SPOCK1: variants seen among roughly 807,000 people sequenced by gnomAD.
SPOCK1 encodes the protein testican-1.
In SPOCK1, 23 loss-of-function variants were observed where a neutral mutation model predicts 55.3. The ratio of observed to expected loss-of-function variants is 0.42; its 90% CI spans 0.30 to 0.59. The LOEUF is 0.59. SPOCK1 is among the 20% of genes least tolerant of loss of function. SPOCK1 has a pLI of 0.22. For synonymous variants in SPOCK1, 226 were observed against 221.0 expected (o/e 1.02, Z -0.20); for missense variants, 499 against 552.5 (o/e 0.90, Z 0.97).
chr5:137,023,880 C>A (rs1029969791), intron 6 of SPOCK1, among the ~76,000 whole-genome samples: 1 of 150,150 alleles, frequency 6.7e-6, no homozygotes, highest in African/African-American at 2.4e-5. Flanking sequence ...TAGCACAATG[C>A]AAATAAAGGT....
intron 3 of SPOCK1, among the ~76,000 whole-genome samples, chr5:137,166,529 T>C (rs1754651496): frequency 6.6e-6 from 1 of 152,048 alleles, no homozygotes; most frequent in South Asian, 2.1e-4. Context: ...CAGAATATTA[T>C]AGTGCTGAAA....
intron 3 of SPOCK1, among the ~76,000 whole-genome samples, chr5:137,179,688 G>A (rs1285745756): frequency 6.6e-6 from 1 of 152,108 alleles, no homozygotes; most frequent in Non-Finnish European, 1.5e-5. Context: ...CTGAGGTTGG[G>A]TAGCCAAGAG....
chr5:137,181,848 C>T (rs1754977581), intron 3 of SPOCK1, among the ~76,000 whole-genome samples: 1 of 152,180 alleles, frequency 6.6e-6, no homozygotes, highest in Non-Finnish European at 1.5e-5. Flanking sequence ...TTAGGATTTG[C>T]TTGATGATTC....
At chr5:137,487,926 C>T (rs965769044) in intron 2 of SPOCK1, among the ~76,000 whole-genome samples, 2 of 152,210 alleles carry the variant, frequency 1.3e-5, no homozygotes, top group Non-Finnish European at 2.9e-5. Context: ...GAAAATACTG[C>T]ACTCATATTA....
intron 2 of SPOCK1, among the ~76,000 whole-genome samples, chr5:137,339,721 G>A (rs922622135): frequency 6.6e-6 from 1 of 152,142 alleles, no homozygotes; most frequent in Non-Finnish European, 1.5e-5. Flanking sequence ...GCTGATGAGA[G>A]GTTTTGGGGG....
At chr5:137,408,403 T>A (rs891234177) in intron 2 of SPOCK1, among the ~76,000 whole-genome samples, 3 of 152,340 alleles carry the variant, frequency 2.0e-5, no homozygotes, top group African/African-American at 7.2e-5. Context: ...CCCAGCAGAC[T>A]GAGGCTGAAG....
intron 3 of SPOCK1, among the ~76,000 whole-genome samples, chr5:137,152,323 A>G (rs1462676352): frequency 6.6e-6 from 1 of 152,180 alleles, no homozygotes; most frequent in Non-Finnish European, 1.5e-5. Context: ...TTTCCCACCT[A>G]TCTCTCCACC....
At chr5:137,068,358 C>T (rs1333309978) in intron 5 of SPOCK1, among the ~76,000 whole-genome samples, 2 of 152,148 alleles carry the variant, frequency 1.3e-5, no homozygotes, top group African/African-American at 2.4e-5. Flanking sequence ...CTCTTGCTTC[C>T]GTTGTCCAAA....
intron 2 of SPOCK1, among the ~76,000 whole-genome samples, chr5:137,359,600 G>C (rs72796527): frequency 0.07 from 10,712 of 152,274 alleles, 514 homozygotes; most frequent in Admixed American, 0.15. Context: ...CAAAGGTAAA[G>C]AAATGCAAAT....
intron 3 of SPOCK1, among the ~76,000 whole-genome samples, chr5:137,168,251 A>C (rs1034911057): frequency 1.3e-5 from 2 of 152,162 alleles, no homozygotes; most frequent in Admixed American, 1.3e-4. Flanking sequence ...ACAAACTATG[A>C]AACTACTAGG....
In SPOCK1 at chr5:136,978,855, A is replaced by G. The variant is rs772441427; in HGVS notation, c.1130-11T>C. ...TTTCCTGCTCCTCTTCTGAAAGATTAAAAAAAGCATTGAGGTTAGTTTCCA... is the reference window on the plus strand; with the variant it reads ...TTTCCTGCTCCTCTTCTGAAAGATTGAAAAAAGCATTGAGGTTAGTTTCCA... On this transcript the variant is annotated splice_polypyrimidine_tract_variant and intron_variant, in intron 10 of 10. Transcript: ENST00000394945. 1 of 1,596,968 alleles carries G rather than the reference A, an allele frequency of 6.3e-7. No homozygotes were observed. The highest frequency in any genetic ancestry group is 1.1e-5 in the South Asian group (1 of 87,508).
At chr5:137,447,992 A>G (rs1490880361) in intron 2 of SPOCK1, among the ~76,000 whole-genome samples, 6 of 152,234 alleles carry the variant, frequency 3.9e-5, no homozygotes, top group Non-Finnish European at 8.8e-5. Flanking sequence ...TCATGCCTGT[A>G]ATCCCAGCAC....
chr5:137,412,311 T>C (rs929367286), intron 2 of SPOCK1, among the ~76,000 whole-genome samples: 2 of 152,198 alleles, frequency 1.3e-5, no homozygotes, highest in African/African-American at 4.8e-5. Context: ...GAGTGCCTTA[T>C]GCCAAAATGA....
chr5:137,220,078 G>A (rs890455907), intron 3 of SPOCK1, among the ~76,000 whole-genome samples: 1 of 152,162 alleles, frequency 6.6e-6, no homozygotes, highest in African/African-American at 2.4e-5. Context: ...GTGGGGGTCA[G>A]TTGCATCTCC....
intron 2 of SPOCK1, among the ~76,000 whole-genome samples, chr5:137,349,740 A>G (rs902455976): frequency 6.6e-6 from 1 of 151,884 alleles, no homozygotes; most frequent in Non-Finnish European, 1.5e-5. Context: ...TCATCTTCAC[A>G]TGGTGTTCTC....
At chr5:136,991,659 G>A (rs549911776) in intron 7 of SPOCK1, among the ~76,000 whole-genome samples, 2 of 152,316 alleles carry the variant, frequency 1.3e-5, no homozygotes, top group South Asian at 4.1e-4. Context: ...CATAGAGAAG[G>A]CTGTGGCCAA....
chr5:137,021,847 A>G lies in SPOCK1; in HGVS notation c.590-29247T>C, dbSNP rs112600685. ...GATTTTTTTAATACCCATATGTTTC[A>G]CTGAGAAAAGAGATGATATCAATAA... On this transcript the variant is annotated intron_variant, in intron 6 of 10. Coordinates refer to ENST00000394945, the MANE Select transcript of SPOCK1 (RefSeq NM_004598.4). Among the ~76,000 whole-genome samples the G allele has an allele frequency of 8.9e-3, 1,359 of 152,220 alleles. 24 individuals carry two copies. The highest frequency in any genetic ancestry group is 0.031 in the African/African-American group (1,288 of 41,540).
intron 2 of SPOCK1, among the ~76,000 whole-genome samples, chr5:137,342,289 C>G (rs1430284805): frequency 6.6e-6 from 1 of 152,054 alleles, no homozygotes; most frequent in East Asian, 1.9e-4. Context: ...GAACAAGAAT[C>G]TCTTTCAATG....
chr5:137,487,970 T>G (rs1188845918), intron 2 of SPOCK1, among the ~76,000 whole-genome samples: 1 of 152,200 alleles, frequency 6.6e-6, no homozygotes, highest in Non-Finnish European at 1.5e-5. Flanking sequence ...AAATGCTCAT[T>G]TTGTCTAAAA....
Sources: gnomAD v4.1 joint callset for allele counts (sites outside exome capture counted in the v4.1 genomes callset) on GRCh38, gnomAD v4.1.1 for gene constraint, MANE v1.5 for transcripts, NCBI Gene and HGNC (gene_info 2026-07-23, HGNC 2026-07-21) for gene names.